Variants in NCOA2 observed in about 807,000 individuals in gnomAD.
NCOA2 encodes class E basic helix-loop-helix protein 75.
Under a neutral mutation model 145.1 loss-of-function variants are expected in NCOA2, and 21 were observed. The observed-to-expected ratio is 0.14, with a 90% CI of 0.10 to 0.21. The LOEUF (loss-of-function observed/expected upper bound fraction) is 0.21, where lower values mean the gene tolerates loss of function less well. Among genes scored for constraint, NCOA2 ranks in the 10% least tolerant of loss-of-function variants. The pLI, the probability that NCOA2 is intolerant of heterozygous loss-of-function variation, is 1.00. For synonymous variants in NCOA2, 619 were observed against 637.5 expected, an observed-to-expected ratio of 0.97 and a Z score of 0.44; for missense variants, 1,472 against 1,837.6, an observed-to-expected ratio of 0.80 and a Z score of 3.64.
At chr8:70,314,208 A>AAAAAAAAAAAAAAAAT (rs71264505) in intron 1 of NCOA2, among the ~76,000 whole-genome samples, 1 of 135,568 alleles carries the variant, frequency 7.4e-6, no homozygotes, top group African/African-American at 2.7e-5. Context: ...AAAAAAAAAA[A>AAAAAAAAAAAAAAAAT]GCAACTGTCA....
chr8:70,273,715 T>C, intron 2 of NCOA2: 1 of 626,214 alleles, frequency 1.6e-6, no homozygotes, highest in Non-Finnish European at 3.0e-6. Context: ...GTTTAAGGAC[T>C]GGCTGAAGCA....
intron 1 of NCOA2, among the ~76,000 whole-genome samples, chr8:70,337,702 T>A (rs1362777604): frequency 5.3e-5 from 8 of 152,080 alleles, no homozygotes; most frequent in African/African-American, 1.9e-4. Context: ...GTAATTGGAA[T>A]AAAACACTCC....
chr8:70,370,319 TA>T lies in NCOA2; in HGVS notation c.-77+33380del, dbSNP rs760359301. Among the ~76,000 whole-genome samples the T allele has an allele frequency of 1.7e-3, 262 of 152,340 alleles. 2 individuals carry two copies. Among genetic ancestry groups the T allele is most frequent in the Non-Finnish European group, 3.2e-3 (216 of 68,032 alleles). ...CTCTCTAGAAATTATTTCCCACCTA[TA>T]TGAGAAAAGTATATTTTAAATAGTA... On this transcript the variant is annotated intron_variant, in intron 1 of 22. Coordinates refer to ENST00000452400, the MANE Select transcript of NCOA2 (RefSeq NM_006540.4).
intron 2 of NCOA2, among the ~76,000 whole-genome samples, chr8:70,223,057 C>T (rs887144029): frequency 5.9e-5 from 9 of 152,134 alleles, no homozygotes; most frequent in African/African-American, 2.2e-4. Flanking sequence ...GAGAAAACAT[C>T]GCAGGAAGAA....
the NCOA2 span, among the ~76,000 whole-genome samples, chr8:70,410,731 G>T: frequency 6.6e-6 from 1 of 152,182 alleles, no homozygotes; most frequent in African/African-American, 2.4e-5. Flanking sequence ...AACAATACAA[G>T]GAACAAATTA....
intron 15 of NCOA2, among the ~76,000 whole-genome samples, chr8:70,134,422 T>G (rs1809504036): frequency 1.3e-5 from 2 of 152,236 alleles, no homozygotes; most frequent in Non-Finnish European, 2.9e-5. Flanking sequence ...CTAAAAATGC[T>G]AGTTAAGTTA....
At chr8:70,215,777 G>A (rs113037873) in intron 3 of NCOA2, among the ~76,000 whole-genome samples, 384 of 152,088 alleles carry the variant, frequency 2.5e-3, no homozygotes, top group African/African-American at 9.0e-3. Context: ...CTCATCCACC[G>A]AAACAGGTAG....
Position 70,284,044 on chromosome 8 carries a change from C to T in NCOA2, c.-20+12700G>A, listed in dbSNP as rs184844148. Among the ~76,000 whole-genome samples the T allele has an allele frequency of 9.2e-5, 14 of 152,272 alleles. No individual in the cohort carries two copies. In the East Asian group the frequency reaches 2.7e-3, roughly 29 times the overall value. Reference sequence around the variant, plus strand: ...ACATTCCCCTCCATGTTAGAAACAGCCCCCTCTCCTCACTAGATGACTGCC... The same window carrying T: ...ACATTCCCCTCCATGTTAGAAACAGTCCCCTCTCCTCACTAGATGACTGCC... On this transcript the variant is annotated intron_variant, in intron 2 of 22. Coordinates refer to ENST00000452400, the MANE Select transcript of NCOA2 (RefSeq NM_006540.4).
chr8:70,380,004 G>A (rs1471078041), intron 1 of NCOA2, among the ~76,000 whole-genome samples: 3 of 152,058 alleles, frequency 2.0e-5, no homozygotes, highest in African/African-American at 4.8e-5. Context: ...TCAAAAAAAA[G>A]GCAGTCGGAT....
chr8:70,233,149 C>G (rs1481391085), intron 2 of NCOA2, among the ~76,000 whole-genome samples: 3 of 152,020 alleles, frequency 2.0e-5, no homozygotes, highest in African/African-American at 7.2e-5. Context: ...TCGCTTGAAC[C>G]CAGGAGGCGG....
intron 1 of NCOA2, among the ~76,000 whole-genome samples, chr8:70,321,253 T>G (rs1016095977): frequency 3.3e-5 from 5 of 152,150 alleles, no homozygotes; most frequent in Non-Finnish European, 5.9e-5. Flanking sequence ...CCACATAAAG[T>G]TTTCAAAATG....
chr8:70,176,732 T>C (rs1387477107), intron 4 of NCOA2, among the ~76,000 whole-genome samples: 2 of 152,200 alleles, frequency 1.3e-5, no homozygotes, highest in East Asian at 3.8e-4. Context: ...AGTACAGGAA[T>C]AGGATTTGTA....
chr8:70,405,440 T>TG, upstream of NCOA2, among the ~76,000 whole-genome samples: 1 of 113,882 alleles, frequency 8.8e-6, no homozygotes, highest in Non-Finnish European at 1.7e-5. Context: ...TTTAAAGGTT[T>TG]TTTTTTTTTT....
intron 2 of NCOA2, among the ~76,000 whole-genome samples, chr8:70,263,833 T>A (rs986255531): frequency 7.9e-5 from 12 of 151,976 alleles, no homozygotes; most frequent in Non-Finnish European, 1.3e-4. Flanking sequence ...CACTGTGTAA[T>A]CTCAACAGTA....
intron 6 of NCOA2, among the ~76,000 whole-genome samples, chr8:70,168,367 G>A (rs1321106845): frequency 6.6e-6 from 1 of 152,214 alleles, no homozygotes; most frequent in African/African-American, 2.4e-5. Flanking sequence ...CACCAAGGCT[G>A]GAGTGCAGTG....
intron 1 of NCOA2, among the ~76,000 whole-genome samples, chr8:70,341,852 T>C (rs1387503475): frequency 6.6e-6 from 1 of 152,226 alleles, no homozygotes; most frequent in East Asian, 1.9e-4. Context: ...TTCCATTTAA[T>C]AATACATGTT....
chr8:70,196,530 T>C (rs1817332925), intron 4 of NCOA2, among the ~76,000 whole-genome samples: 1 of 152,194 alleles, frequency 6.6e-6, no homozygotes, highest in Non-Finnish European at 1.5e-5. Context: ...AAGGTGCTGT[T>C]TGCTATAGTG....
At chr8:70,305,404 C>A (rs936485416) in intron 1 of NCOA2, among the ~76,000 whole-genome samples, 2 of 152,044 alleles carry the variant, frequency 1.3e-5, no homozygotes, top group Admixed American at 6.5e-5. Flanking sequence ...TATTTCAATA[C>A]AATAAAGAGA....
chr8:70,260,053 A>G (rs984472328), intron 2 of NCOA2, among the ~76,000 whole-genome samples: 6 of 152,232 alleles, frequency 3.9e-5, no homozygotes, highest in African/African-American at 1.4e-4. Context: ...CTACCAGGAA[A>G]CAAAGTTACA....
Sources: allele counts gnomAD v4.1 joint callset (sites outside exome capture counted in the v4.1 genomes callset), GRCh38; gene constraint gnomAD v4.1.1; transcripts MANE v1.5; gene names NCBI Gene and HGNC (gene_info 2026-07-23, HGNC 2026-07-21).